Variants in FGF2 observed in about 807,000 individuals in gnomAD.
The protein encoded by FGF2 is basic fibroblast growth factor bFGF.
Under a neutral mutation model 15.9 loss-of-function variants are expected in FGF2, and 13 were observed. That is an observed-to-expected ratio of 0.82 (90% CI 0.53 to 1.30). The LOEUF (loss-of-function observed/expected upper bound fraction) is 1.30. Ranked by LOEUF, FGF2 falls within the 50% of genes most tolerant of loss-of-function variation. The pLI is 0.00. For synonymous variants in FGF2, 90 were observed against 78.4 expected (o/e 1.15, Z -0.78); for missense variants, 163 against 196.9 (o/e 0.83, Z 1.03).
At chr4:122,838,254 G>A (rs1002285207) in intron 1 of FGF2, among the ~76,000 whole-genome samples, 18 of 152,188 alleles carry the variant, frequency 1.2e-4, no homozygotes, top group Admixed American at 3.9e-4. Flanking sequence ...GACTGCCATG[G>A]TGACTAGGCA....
intron 2 of FGF2, among the ~76,000 whole-genome samples, chr4:122,886,219 C>A (rs1241790395): frequency 6.6e-6 from 1 of 152,108 alleles, no homozygotes; most frequent in Non-Finnish European, 1.5e-5. Flanking sequence ...TGCACCTGAC[C>A]TGATGTTTTT....
chr4:122,872,889 A>G (rs1182621938), intron 1 of FGF2, among the ~76,000 whole-genome samples: 1 of 152,246 alleles, frequency 6.6e-6, no homozygotes, highest in African/African-American at 2.4e-5. Flanking sequence ...TCAATATGGA[A>G]AGGAAAAACC....
At chr4:122,873,982 C>G (rs1256315642) in intron 1 of FGF2, among the ~76,000 whole-genome samples, 1 of 152,184 alleles carries the variant, frequency 6.6e-6, no homozygotes, top group Admixed American at 6.5e-5. Context: ...GTCACTGGTA[C>G]TGATCTGGCC....
chr4:122,847,403 C>G (rs975866242), intron 1 of FGF2, among the ~76,000 whole-genome samples: 1 of 152,080 alleles, frequency 6.6e-6, no homozygotes, highest in African/African-American at 2.4e-5. Context: ...GGACTGACCC[C>G]ATGGACTGGG....
At chr4:122,882,863 T>A (rs1315999127) in intron 2 of FGF2, 3 of 152,238 alleles carry the variant, frequency 2.0e-5, no homozygotes, top group Non-Finnish European at 4.4e-5. Context: ...ATGTTCTTGG[T>A]GGGCTGTGTC....
chr4:122,826,780 TGGGTGTGGG>T (rs1217336115), upstream of FGF2: 2 of 1,329,214 alleles, frequency 1.5e-6, no homozygotes, highest in African/African-American at 1.5e-5. Context: ...GGGAGGCTGG[TGGGTGTGGG>T]GGGTGGAGAT....
intron 1 of FGF2, among the ~76,000 whole-genome samples, chr4:122,844,618 T>TTC (rs1726070728): frequency 9.0e-6 from 1 of 110,760 alleles, no homozygotes; most frequent in African/African-American, 5.6e-5. Flanking sequence ...TTCCTTCCTT[T>TTC]CTTTCTTCCT....
chr4:122,861,022 G>GT (rs1726452642), intron 1 of FGF2, among the ~76,000 whole-genome samples: 1 of 151,978 alleles, frequency 6.6e-6, no homozygotes, highest in South Asian at 2.1e-4. Context: ...GTGCATATAC[G>GT]TATCTTCCTG....
intron 1 of FGF2, among the ~76,000 whole-genome samples, chr4:122,859,212 C>G (rs1435062677): frequency 6.6e-6 from 1 of 151,892 alleles, no homozygotes; most frequent in Non-Finnish European, 1.5e-5. Context: ...CCACTAAGCC[C>G]CATGAGGGTG....
rs774721680 is a variant in FGF2 at position 122,876,302 on chromosome 4, AT to A, written c.179-11del. On this transcript the variant is annotated intron_variant, in intron 1 of 2. Coordinates refer to ENST00000644866, the MANE Select transcript of FGF2 (RefSeq NM_001361665.2). ...TTTCCTCTGTGGTGCTACAAAGATA[AT>A]TTTTTTTCCCGTTACAGTCAAGCTA... 5.5e-5 allele frequency: 81 copies of A among 1,478,522 alleles called. No homozygotes were observed. The highest frequency in any genetic ancestry group is 6.5e-5 in the Non-Finnish European group (69 of 1,056,922). The allele number at this position is 1,478,522 out of a possible 1,614,324, so 91.6% of individuals were successfully genotyped here. A position where few individuals can be genotyped will look rare whatever the true frequency, so the allele number is the denominator to read the frequency against.
chr4:122,838,950 T>C (rs1340140594), intron 1 of FGF2, among the ~76,000 whole-genome samples: 1 of 152,234 alleles, frequency 6.6e-6, no homozygotes, highest in African/African-American at 2.4e-5. Flanking sequence ...TACTGTATTT[T>C]AACTGTATCT....
At chr4:122,882,220 G>A (rs1726974260) in intron 2 of FGF2, 4 of 152,156 alleles carry the variant, frequency 2.6e-5, no homozygotes, top group Non-Finnish European at 4.4e-5. Context: ...ATTGCCGGTG[G>A]AATTTTTCAT....
rs888372665 is a variant in FGF2, at chr4:122,894,359, A to T, written c.*1963A>T. ...TATTCCCTGCACTTTGGGAGGCCAA[A>T]GCAGGAGGATCGCTTGAGCCCAGGA... On this transcript the variant is annotated 3_prime_UTR_variant, in exon 3 of 3. Coordinates refer to ENST00000644866, the MANE Select transcript of FGF2 (RefSeq NM_001361665.2). The T allele has an allele frequency of 7.2e-5, 11 of 152,360 alleles. No individual in the cohort carries two copies. The highest frequency in any genetic ancestry group is 2.7e-4 in the African/African-American group (11 of 41,444). 9.4% of individuals were successfully genotyped at this position (152,360 alleles called of 1,614,324 possible). A position where few individuals can be genotyped will look rare whatever the true frequency, so the allele number is the denominator to read the frequency against.
At chr4:122,864,195 C>T (rs936019618) in intron 1 of FGF2, among the ~76,000 whole-genome samples, 2 of 151,874 alleles carry the variant, frequency 1.3e-5, no homozygotes, top group Non-Finnish European at 2.9e-5. Flanking sequence ...CTAATTTTGG[C>T]CTCTGTAAAC....
chr4:122,832,055 C>T (rs561113401), intron 1 of FGF2, among the ~76,000 whole-genome samples: 3 of 152,106 alleles, frequency 2.0e-5, no homozygotes, highest in Non-Finnish European at 4.4e-5. Flanking sequence ...TTTAAAACCA[C>T]GAGATGCCTG....
At chr4:122,862,242 T>C (rs762423733) in intron 1 of FGF2, among the ~76,000 whole-genome samples, 5 of 152,220 alleles carry the variant, frequency 3.3e-5, no homozygotes, top group Non-Finnish European at 7.3e-5. Flanking sequence ...AAAACCATAT[T>C]CTTTCACCAG....
chr4:122,890,519 T>C (rs972553328), intron 2 of FGF2, among the ~76,000 whole-genome samples: 1 of 152,228 alleles, frequency 6.6e-6, no homozygotes, highest in Non-Finnish European at 1.5e-5. Context: ...CTCTAGAAGA[T>C]TACAGGATCT....
chr4:122,832,899 C>T (rs1451574571), intron 1 of FGF2, among the ~76,000 whole-genome samples: 1 of 152,122 alleles, frequency 6.6e-6, no homozygotes, highest in South Asian at 2.1e-4. Flanking sequence ...TGTATAGCCA[C>T]AGGAATTTAG....
chr4:122,832,802 C>T (rs1164319014), intron 1 of FGF2, among the ~76,000 whole-genome samples: 1 of 152,190 alleles, frequency 6.6e-6, no homozygotes, highest in African/African-American at 2.4e-5. Flanking sequence ...TAAGTGTTTC[C>T]TTGTTGTATC....
Sources: gnomAD v4.1 joint callset for allele counts (sites outside exome capture counted in the v4.1 genomes callset) on GRCh38, gnomAD v4.1.1 for gene constraint, MANE v1.5 for transcripts, NCBI Gene and HGNC (gene_info 2026-07-23, HGNC 2026-07-21) for gene names.